The following FILIP1L variants were observed in gnomAD, a reference collection of about 807,000 sequenced individuals.
FILIP1L encodes the protein filamin A-interacting protein 1-like.
Under a neutral mutation model 96.6 loss-of-function variants are expected in FILIP1L, and 55 were observed. The observed-to-expected ratio is 0.57, with a 90% CI of 0.46 to 0.71. The LOEUF (loss-of-function observed/expected upper bound fraction) is 0.71, where lower values mean the gene tolerates loss of function less well. FILIP1L is among the 30% of genes least tolerant of loss of function. The probability of loss-of-function intolerance (pLI) is 0.00; values close to 1 mark genes in which losing one functional copy is unlikely to be tolerated. For missense variants in FILIP1L, 1,304 were observed against 1,321.2 expected (o/e 0.99, Z 0.20); for synonymous variants, 467 against 473.9 (o/e 0.99, Z 0.19).
At chr3:99,887,895 C>T (rs2107610729) in intron 4 of FILIP1L, among the ~76,000 whole-genome samples, 1 of 152,148 alleles carries the variant, frequency 6.6e-6, no homozygotes, top group African/African-American at 2.4e-5. Context: ...GTGTGCACCA[C>T]CACACCTGGC....
chr3:99,874,201 G>A (rs1289816108), intron 4 of FILIP1L: 2 of 152,126 alleles, frequency 1.3e-5, no homozygotes, highest in African/African-American at 4.8e-5. Flanking sequence ...AAGACACTGG[G>A]AAACACAGCT....
chr3:99,998,475 A>G (rs1377916063), intron 1 of FILIP1L, among the ~76,000 whole-genome samples: 1 of 152,192 alleles, frequency 6.6e-6, no homozygotes, highest in East Asian at 1.9e-4. Context: ...GATTTTTACC[A>G]AGCACAATTT....
rs1363193170 is a variant in FILIP1L, at chr3:99,888,405, C to T, written c.605+35825G>A. Among the ~76,000 whole-genome samples the T allele has an allele frequency of 3.3e-5, 5 of 152,088 alleles. No individual in the cohort carries two copies. The East Asian group carries it at 9.7e-4, about 29-fold the overall frequency. ...TGACTGCTAGAGAATGGTTTTTGAG[C>T]CATTTACTTGATAAGTAATTATGAT... On this transcript the variant is annotated intron_variant, in intron 4 of 5. Coordinates refer to ENST00000477258, the MANE Select transcript of FILIP1L (RefSeq NM_001387850.1).
At chr3:100,022,979 A>T (rs1185261431) in intron 1 of FILIP1L, among the ~76,000 whole-genome samples, 1 of 152,188 alleles carries the variant, frequency 6.6e-6, no homozygotes. Flanking sequence ...CTTGCTTTTT[A>T]GATTTCTACT....
chr3:99,943,299 G>A (rs1276555041), intron 1 of FILIP1L, among the ~76,000 whole-genome samples: 1 of 152,162 alleles, frequency 6.6e-6, no homozygotes, highest in Non-Finnish European at 1.5e-5. Flanking sequence ...AAATGTGTCA[G>A]CCCTGACACT....
intron 1 of FILIP1L, among the ~76,000 whole-genome samples, chr3:99,954,271 A>G (rs1461371501): frequency 6.6e-6 from 1 of 152,256 alleles, no homozygotes; most frequent in Non-Finnish European, 1.5e-5. Flanking sequence ...CTAATTCCAC[A>G]GCCCAGGTTC....
At chr3:99,945,242 C>T (rs1707973755) in intron 1 of FILIP1L, among the ~76,000 whole-genome samples, 1 of 152,164 alleles carries the variant, frequency 6.6e-6, no homozygotes, top group African/African-American at 2.4e-5. Flanking sequence ...CCATCTCCAC[C>T]CTTTCCAAAG....
intron 1 of FILIP1L, among the ~76,000 whole-genome samples, chr3:100,080,431 T>A (rs1157764631): frequency 1.3e-5 from 2 of 152,196 alleles, no homozygotes; most frequent in Non-Finnish European, 2.9e-5. Context: ...AGGGAACATG[T>A]TAAAATGTAG....
intron 4 of FILIP1L, chr3:99,876,272 G>C: frequency 1.1e-6 from 1 of 943,320 alleles, no homozygotes; most frequent in Non-Finnish European, 1.3e-6. Context: ...GGGCGCCGGT[G>C]ACCGCGGGAC....
intron 1 of FILIP1L, among the ~76,000 whole-genome samples, chr3:100,104,790 G>A (rs1057409847): frequency 3.9e-5 from 6 of 152,140 alleles, no homozygotes; most frequent in African/African-American, 1.4e-4. Flanking sequence ...GATGAAAAGA[G>A]TCACCCCTGT....
At chr3:100,071,476 G>GCCT (rs2065762168) in intron 1 of FILIP1L, among the ~76,000 whole-genome samples, 2 of 152,282 alleles carry the variant, frequency 1.3e-5, no homozygotes, top group Admixed American at 1.3e-4. Flanking sequence ...TCCTGAGCCT[G>GCCT]CCTGGATTTC....
chr3:99,936,664 C>T (rs1456981514), intron 1 of FILIP1L, among the ~76,000 whole-genome samples: 2 of 149,416 alleles, frequency 1.3e-5, no homozygotes, highest in Non-Finnish European at 3.0e-5. Flanking sequence ...GAGCCACCTG[C>T]GCCCAGCCCG....
At chr3:100,086,994 A>G (rs865977829) in intron 1 of FILIP1L, among the ~76,000 whole-genome samples, 5 of 152,220 alleles carry the variant, frequency 3.3e-5, no homozygotes, top group Non-Finnish European at 7.4e-5. Context: ...AGCAGAATGT[A>G]CTTGAGATAC....
chr3:99,967,147 G>T (rs4928150), intron 1 of FILIP1L, among the ~76,000 whole-genome samples: 87,606 of 152,028 alleles, frequency 0.58, 25,458 homozygotes, highest in East Asian at 0.73. Context: ...GATTAGGTCT[G>T]GCAATGGATA....
chr3:100,057,289 A>G (rs1006492922), intron 1 of FILIP1L, among the ~76,000 whole-genome samples: 1 of 152,230 alleles, frequency 6.6e-6, no homozygotes, highest in African/African-American at 2.4e-5. Context: ...CCAGGAAAGC[A>G]GTGAGATGTT....
chr3:99,948,180 T>C (rs1208544021), intron 1 of FILIP1L, among the ~76,000 whole-genome samples: 1 of 152,078 alleles, frequency 6.6e-6, no homozygotes, highest in Non-Finnish European at 1.5e-5. Flanking sequence ...TACCAAAAAC[T>C]AAAACATTGC....
At chr3:100,052,910 AT>A (rs1430341411) in intron 1 of FILIP1L, among the ~76,000 whole-genome samples, 7 of 152,184 alleles carry the variant, frequency 4.6e-5, no homozygotes, top group Admixed American at 3.9e-4. Flanking sequence ...TTTCACAGGA[AT>A]TTTTAAAACC....
intron 5 of FILIP1L, among the ~76,000 whole-genome samples, chr3:99,837,763 G>A (rs1052384736): frequency 2.0e-5 from 3 of 152,210 alleles, no homozygotes; most frequent in Non-Finnish European, 4.4e-5. Context: ...AGTGTTCCTT[G>A]AGAAATAGAA....
chr3:100,080,528 A>G (rs1410858945), intron 1 of FILIP1L, among the ~76,000 whole-genome samples: 1 of 152,214 alleles, frequency 6.6e-6, no homozygotes, highest in Admixed American at 6.5e-5. Flanking sequence ...CAATGCAGAT[A>G]TAGGTGATCT....
Sources: allele counts gnomAD v4.1 joint callset (sites outside exome capture counted in the v4.1 genomes callset), GRCh38; gene constraint gnomAD v4.1.1; transcripts MANE v1.5; gene names NCBI Gene and HGNC (gene_info 2026-07-23, HGNC 2026-07-21).